Variants in CRACD observed in about 807,000 individuals in gnomAD.
The protein encoded by CRACD is capping protein-inhibiting regulator of actin dynamics.
A neutral mutation model predicts 106.8 loss-of-function variants in CRACD; 56 were observed. The ratio of observed to expected loss-of-function variants is 0.52; its 90% CI spans 0.42 to 0.66. CRACD has a LOEUF of 0.66. Among genes scored for constraint, CRACD ranks in the 30% least tolerant of loss-of-function variants. The pLI, the probability that CRACD is intolerant of heterozygous loss-of-function variation, is 0.00. For synonymous variants in CRACD, 754 were observed against 670.8 expected (o/e 1.12, Z -1.92); for missense variants, 1,730 against 1,623.2 (o/e 1.07, Z -1.13).
In CRACD at chr4:56,314,730, G is replaced by A. The variant is rs1745445298; in HGVS notation, c.1228G>A (p.Ala410Thr). The change falls in exon 8 of 11, where the codon GCG (alanine) becomes ACG (threonine). Residue 410 changes from alanine to threonine, a missense_variant. Transcript: ENST00000682029. The surrounding 1 kb of genome is among the most constrained non-coding windows in gnomAD (Gnocchi z 4.4). ...DLGEEEEEGQ[A>T]HLEDWRGQLS... is the part of the protein sequence containing the mutation. ...GGGGGAAGAGGAGGAGGAGGGCCAG[G>A]CGCACCTGGAGGACTGGAGGGGGCA... The A allele has an allele frequency of 6.4e-7, 1 of 1,573,934 alleles. No homozygotes were observed. Among genetic ancestry groups the A allele is most frequent in the South Asian group, 1.2e-5 (1 of 85,834 alleles).
At chr4:56,294,913 C>CAAAAAAAAAAAAAAAAAAAAAAAAAA (rs56200534) in intron 3 of CRACD, among the ~76,000 whole-genome samples, 7 of 72,148 alleles carry the variant, frequency 9.7e-5, no homozygotes, top group African/African-American at 1.2e-4. Flanking sequence ...GACCTTGTCT[C>CAAAAAAAAAAAAAAAAAAAAAAAAAA]AAAAAAAAAA....
intron 2 of CRACD, among the ~76,000 whole-genome samples, chr4:56,265,001 C>A (rs2109625934): frequency 1.3e-5 from 2 of 152,276 alleles, no homozygotes; most frequent in Middle Eastern, 6.8e-3. Flanking sequence ...CTCACCTTAC[C>A]TCATGCCTCC....
Position 56,298,214 on chromosome 4 carries a change from G to A in CRACD, c.-16G>A. On this transcript the variant is annotated splice_region_variant and 5_prime_UTR_variant, in exon 4 of 11. Transcript: ENST00000682029. ...ATGAAGCACATGATTTACCTTCCAG[G>A]TCCTTCAACTATTCTATGGGAACCC... 1 of 1,612,384 alleles carries A rather than the reference G, an allele frequency of 6.2e-7. No individual in the cohort carries two copies. Among genetic ancestry groups the A allele is most frequent in the Non-Finnish European group, 8.5e-7 (1 of 1,179,418 alleles).
chr4:56,113,746 T>G (rs1475239946), intron 1 of CRACD, among the ~76,000 whole-genome samples: 1 of 152,156 alleles, frequency 6.6e-6, no homozygotes, highest in Non-Finnish European at 1.5e-5. Flanking sequence ...GGAGTTGGGT[T>G]CTATACTTAG....
intron 1 of CRACD, among the ~76,000 whole-genome samples, chr4:56,156,219 C>T (rs1385722137): frequency 6.6e-6 from 1 of 152,202 alleles, no homozygotes; most frequent in Non-Finnish European, 1.5e-5. Context: ...GCCTTGGCCT[C>T]CCAAGGTGCT....
At chr4:56,322,153 G>A (rs1560542858) in intron 8 of CRACD, among the ~76,000 whole-genome samples, 1 of 152,192 alleles carries the variant, frequency 6.6e-6, no homozygotes, top group Non-Finnish European at 1.5e-5. Flanking sequence ...GGGAAAAGGA[G>A]ATTCTTGTCT....
At chr4:56,062,278 A>G (rs1458594436) in intron 1 of CRACD, among the ~76,000 whole-genome samples, 1 of 152,246 alleles carries the variant, frequency 6.6e-6, no homozygotes, top group Admixed American at 6.5e-5. Context: ...TTAGGAGACC[A>G]TTCTACCTCT....
chr4:56,313,493 T>C, intron 7 of CRACD, 114 bp downstream of exon 7: 2 of 857,980 alleles, frequency 2.3e-6, no homozygotes, highest in Non-Finnish European at 3.6e-6. Context: ...AGTCTCCCCA[T>C]CGGGAACTTG....
intron 3 of CRACD, among the ~76,000 whole-genome samples, chr4:56,275,277 A>G (rs150426351): frequency 5.3e-5 from 8 of 152,296 alleles, no homozygotes; most frequent in Non-Finnish European, 1.2e-4. Context: ...AACGTAAAAT[A>G]AAAGTTAAAA....
At chr4:56,191,169 T>C (rs1173500143) in intron 2 of CRACD, among the ~76,000 whole-genome samples, 1 of 150,734 alleles carries the variant, frequency 6.6e-6, no homozygotes, top group Non-Finnish European at 1.5e-5. Flanking sequence ...CAAAGTATCA[T>C]AAACATAGTG....
chr4:56,186,255 G>A (rs1737091274), intron 2 of CRACD, among the ~76,000 whole-genome samples: 1 of 152,206 alleles, frequency 6.6e-6, no homozygotes, highest in African/African-American at 2.4e-5. Context: ...TTAGGTTGGT[G>A]TAGTGCTAGT....
intron 2 of CRACD, among the ~76,000 whole-genome samples, chr4:56,242,939 T>C (rs1740452750): frequency 6.6e-6 from 1 of 152,158 alleles, no homozygotes; most frequent in Admixed American, 6.5e-5. Context: ...GTTAGAGGGA[T>C]GCACCCCTAG....
intron 2 of CRACD, among the ~76,000 whole-genome samples, chr4:56,222,285 A>G (rs1739084362): frequency 6.6e-6 from 1 of 152,256 alleles, no homozygotes; most frequent in Non-Finnish European, 1.5e-5. Context: ...TTGAAATAAC[A>G]CAGGAATGGA....
intron 2 of CRACD, among the ~76,000 whole-genome samples, chr4:56,217,848 C>T (rs1406496708): frequency 1.3e-5 from 2 of 152,114 alleles, no homozygotes; most frequent in South Asian, 2.1e-4. Context: ...GTTGTGGGAG[C>T]TTAGGATTTT....
In CRACD at chr4:56,266,464, C is replaced by G. The variant is rs1156762732; in HGVS notation, c.-188-5857C>G. Among the ~76,000 whole-genome samples the G allele has an allele frequency of 5.3e-5, 8 of 152,184 alleles. No individual in the cohort carries two copies. In the East Asian group the frequency reaches 1.5e-3, roughly 29 times the overall value. On this transcript the variant is annotated intron_variant, in intron 2 of 10. Transcript: ENST00000682029. ...CTCCTGTCCCCTTCTTCCCACTGCCCAACCACCCAGCAAAAGTAAATTTTG... is the reference window on the plus strand; with the variant it reads ...CTCCTGTCCCCTTCTTCCCACTGCCGAACCACCCAGCAAAAGTAAATTTTG...
At chr4:56,222,477 A>G (rs2109515961) in intron 2 of CRACD, among the ~76,000 whole-genome samples, 1 of 152,314 alleles carries the variant, frequency 6.6e-6, no homozygotes, top group Middle Eastern at 3.4e-3. Flanking sequence ...GAAATCTCAG[A>G]ATTCACCACT....
intron 1 of CRACD, among the ~76,000 whole-genome samples, chr4:56,088,388 GT>G (rs1577954920): frequency 1.3e-5 from 2 of 152,084 alleles, no homozygotes; most frequent in African/African-American, 4.8e-5. Flanking sequence ...CCAGGCTGGA[GT>G]GCAGTGACGT....
rs1577938048 is a variant in CRACD, at chr4:56,062,490, A to G, written c.-336+13191A>G. Among the ~76,000 whole-genome samples, 2 of 152,360 alleles carry G rather than the reference A, an allele frequency of 1.3e-5. 1 individual carries two copies. Among genetic ancestry groups the G allele is most frequent in the East Asian group, 3.9e-4 (2 of 5,188 alleles). ...CAGCAGTAATCAGCAGCAGAAAGGT[A>G]TGCTTAAAACCGGCTTGTTCTTTAT... is the stretch of plus-strand genomic sequence containing the variant. On this transcript the variant is annotated intron_variant, in intron 1 of 10. Coordinates refer to ENST00000682029, the MANE Select transcript of CRACD (RefSeq NM_001393381.1).
intron 3 of CRACD, among the ~76,000 whole-genome samples, chr4:56,280,926 TCTATCC>T (rs1432157842): frequency 6.6e-6 from 1 of 152,202 alleles, no homozygotes; most frequent in East Asian, 1.9e-4. Flanking sequence ...CTGTTTATCC[TCTATCC>T]TTAGGAAGCT....
Sources: allele counts gnomAD v4.1 joint callset (sites outside exome capture counted in the v4.1 genomes callset), GRCh38; gene constraint gnomAD v4.1.1; non-coding constraint Gnocchi (gnomAD v3.1); transcripts MANE v1.5; gene names NCBI Gene and HGNC (gene_info 2026-07-23, HGNC 2026-07-21).